Variants in EMC8 observed in about 807,000 individuals in gnomAD.
EMC8 encodes the protein ER membrane protein complex subunit 8.
EMC8 carries 11 observed loss-of-function variants against 24.3 expected under a neutral mutation model. That is an observed-to-expected ratio of 0.45 (90% confidence interval 0.28 to 0.75). The LOEUF is 0.75. Among genes scored for constraint, EMC8 ranks in the 30% least tolerant of loss-of-function variants. The pLI is 0.12. For missense variants in EMC8, 277 were observed against 282.7 expected (o/e 0.98, Z 0.14); for synonymous variants, 145 against 117.7 (o/e 1.23, Z -1.50).
At position 85,788,969 on chromosome 16, in the gene EMC8, C is replaced by T. The variant is rs184684645; in HGVS notation, c.308+5G>A. On this transcript the variant is annotated splice_donor_5th_base_variant and intron_variant, in intron 2 of 4. Coordinates refer to ENST00000253457, the MANE Select transcript of EMC8 (RefSeq NM_006067.5). ...TCGCCCACAGAGGGTTCTGCATCCA[C>T]GTACCTGGCATCCTTTACTCGCTCA... 2.3e-5 allele frequency: 37 copies of T among 1,606,938 alleles called. No homozygotes were observed. Among genetic ancestry groups the T allele is most frequent in the African/African-American group, 2.3e-4 (17 of 74,882 alleles).
intron 1 of EMC8, among the ~76,000 whole-genome samples, chr16:85,797,913 A>T (rs1424146639): frequency 6.6e-6 from 1 of 152,170 alleles, no homozygotes; most frequent in Non-Finnish European, 1.5e-5. Context: ...TAACAACTCG[A>T]TGGAATTTAT....
intron 2 of EMC8, among the ~76,000 whole-genome samples, chr16:85,785,665 C>A (rs1212491506): frequency 6.6e-6 from 1 of 152,224 alleles, no homozygotes; most frequent in Non-Finnish European, 1.5e-5. Flanking sequence ...GTCTTAGGCA[C>A]TGAATCTCCA....
intron 1 of EMC8, among the ~76,000 whole-genome samples, chr16:85,797,457 A>ACACTC (rs1439759044): frequency 2.6e-5 from 4 of 152,214 alleles, no homozygotes; most frequent in African/African-American, 9.6e-5. Context: ...ACACACACAC[A>ACACTC]CACTCCCCAG....
chr16:85,789,280 T>C (rs897268020), intron 1 of EMC8, among the ~76,000 whole-genome samples: 4 of 152,190 alleles, frequency 2.6e-5, no homozygotes, highest in African/African-American at 9.7e-5. Flanking sequence ...GAAGACCCTT[T>C]GTCTACAGGT....
chr16:85,780,305 CG>C, intron 4 of EMC8, 73 bp downstream of exon 4: 1 of 1,047,986 alleles, frequency 9.5e-7, no homozygotes, highest in Non-Finnish European at 1.5e-6. Context: ...AAAACACAGG[CG>C]GGGTGAGAGT....
chr16:85,780,209 C>G, intron 4 of EMC8, 170 bp downstream of exon 4: 2 of 630,884 alleles, frequency 3.2e-6, no homozygotes, highest in Non-Finnish European at 2.8e-6. Context: ...GAGGTTCCCT[C>G]TACTGCCTGG....
At position 85,797,069 on chromosome 16, in the gene EMC8, T is replaced by G. The variant is rs140597281; in HGVS notation, c.231+1996A>C. Among the ~76,000 whole-genome samples the G allele has an allele frequency of 1.5e-3, 221 of 152,338 alleles. 3 individuals are homozygous for G. In the East Asian group the frequency reaches 0.021, roughly 15 times the overall value. ...ATGAATCTAGCTCCCTGCAAGTCAA[T>G]GCATTTCACAGATCCAATAATTCTC... On this transcript the variant is annotated intron_variant, in intron 1 of 4. Coordinates refer to ENST00000253457, the MANE Select transcript of EMC8 (RefSeq NM_006067.5).
At chr16:85,786,712 C>T (rs934264954) in intron 2 of EMC8, among the ~76,000 whole-genome samples, 5 of 152,050 alleles carry the variant, frequency 3.3e-5, no homozygotes, top group South Asian at 2.1e-4. Flanking sequence ...CGCAGAAGGA[C>T]GTGGACTAGG....
At chr16:85,796,655 C>G (rs1905252259) in intron 1 of EMC8, among the ~76,000 whole-genome samples, 1 of 152,150 alleles carries the variant, frequency 6.6e-6, no homozygotes. Context: ...ATTGCTCTCT[C>G]CAAACTCCCC....
intron 1 of EMC8, among the ~76,000 whole-genome samples, chr16:85,797,330 TCTGGGA>T (rs1278999670): frequency 1.3e-5 from 2 of 152,058 alleles, no homozygotes; most frequent in Non-Finnish European, 1.5e-5. Flanking sequence ...ATCACCTGAA[TCTGGGA>T]GGTGGAAGTT....
intron 4 of EMC8, 100 bp downstream of exon 4, chr16:85,780,279 G>A (rs138633513): frequency 7.1e-6 from 6 of 850,188 alleles, no homozygotes; most frequent in African/African-American, 6.6e-5. Context: ...CATGCTTCTG[G>A]AGAAAACGCT....
chr16:85,799,309 G>C lies in EMC8; in HGVS notation c.-14C>G. The C allele has an allele frequency of 6.4e-7, 1 of 1,559,326 alleles. No individual in the cohort carries two copies. The highest frequency in any genetic ancestry group is 8.7e-7 in the Non-Finnish European group (1 of 1,149,842). The stretch of plus-strand genomic sequence containing the variant: ...CACCCCGGGCATGCTGACCCGGGAG[G>C]GCCCCGGAGGCCCCTGGGCGCGCGG... On this transcript the variant is annotated 5_prime_UTR_variant, in exon 1 of 5. Transcript: ENST00000253457. This position sits in a 1 kb window ranked among gnomAD's most constrained non-coding sequence, Gnocchi z 4.2.
intron 3 of EMC8, chr16:85,780,828 T>G: frequency 2.3e-6 from 1 of 443,050 alleles, no homozygotes; most frequent in Non-Finnish European, 4.1e-6. Flanking sequence ...TGCTGGCTGT[T>G]CTAATTGTGC....
intron 2 of EMC8, among the ~76,000 whole-genome samples, chr16:85,783,442 T>A (rs1904606045): frequency 6.6e-6 from 1 of 152,198 alleles, no homozygotes; most frequent in African/African-American, 2.4e-5. Flanking sequence ...CACAGGCACG[T>A]GCTACGAAGC....
chr16:85,788,925 C>T (rs1450893605), intron 2 of EMC8, 49 bp downstream of exon 2: 2 of 1,350,024 alleles, frequency 1.5e-6, no homozygotes, highest in Middle Eastern at 1.8e-4. Context: ...CGGGGTCTGC[C>T]CAACACGTGC....
chr16:85,796,396 C>G (rs1207910074), intron 1 of EMC8, among the ~76,000 whole-genome samples: 1 of 152,170 alleles, frequency 6.6e-6, no homozygotes, highest in East Asian at 1.9e-4. Context: ...TCTCCGTACC[C>G]ATGCTGCACT....
chr16:85,790,900 C>A (rs908330343), intron 1 of EMC8, among the ~76,000 whole-genome samples: 4 of 152,096 alleles, frequency 2.6e-5, no homozygotes, highest in African/African-American at 9.7e-5. Flanking sequence ...GATCACAGTT[C>A]ACTGCAGCCT....
intron 2 of EMC8, among the ~76,000 whole-genome samples, chr16:85,786,518 C>T (rs1376798316): frequency 2.6e-5 from 4 of 152,172 alleles, no homozygotes; most frequent in African/African-American, 9.7e-5. Flanking sequence ...GATAGCACGG[C>T]ATTACCTACC....
chr16:85,783,478 G>A (rs1904607551), intron 2 of EMC8, among the ~76,000 whole-genome samples: 2 of 152,162 alleles, frequency 1.3e-5, no homozygotes, highest in African/African-American at 2.4e-5. Flanking sequence ...CTTATCCGAT[G>A]TAACCTGAAA....
Sources: allele counts gnomAD v4.1 joint callset (sites outside exome capture counted in the v4.1 genomes callset), GRCh38; gene constraint gnomAD v4.1.1; non-coding constraint Gnocchi (gnomAD v3.1); transcripts MANE v1.5; gene names NCBI Gene and HGNC (gene_info 2026-07-23, HGNC 2026-07-21).